IFT22: variants seen among roughly 807,000 people sequenced by gnomAD.
IFT22 encodes the protein intraflagellar transport 22, also known as intraflagellar transport protein 22 homolog.
A neutral mutation model predicts 21.0 loss-of-function variants in IFT22; 13 were observed. That is an observed-to-expected ratio of 0.62 (90% CI 0.40 to 0.98). The LOEUF is 0.98. Ranked by LOEUF, IFT22 falls within the 50% of genes least tolerant of loss-of-function variation. The pLI is 0.00. For missense variants in IFT22, 227 were observed against 228.9 expected, an observed-to-expected ratio of 0.99 and a Z score of 0.06; for synonymous variants, 67 against 82.4, an observed-to-expected ratio of 0.81 and a Z score of 1.01.
At chr7:101,316,270 G>C in intron 4 of IFT22, 70 bp downstream of exon 4, 2 of 1,454,580 alleles carry the variant, frequency 1.4e-6, no homozygotes, top group Non-Finnish European at 1.9e-6. Flanking sequence ...TGGTTTCTAG[G>C]ACATGGGACA....
chr7:101,320,557 CCTT>C lies in IFT22; in HGVS notation c.39+1111_39+1113del, dbSNP rs1486252822. Among the ~76,000 whole-genome samples the C allele has an allele frequency of 1.2e-3, 161 of 130,128 alleles. 3 individuals are homozygous for C. Among genetic ancestry groups the C allele is most frequent in the South Asian group, 0.01 (44 of 4,212 alleles). The allele number at this position is 130,128 out of a possible 152,430, so 85.4% of individuals were successfully genotyped here. On this transcript the variant is annotated intron_variant, in intron 1 of 4. Transcript: ENST00000315322. Reference sequence around the variant, plus strand: ...TACAGGCGTGAGCCACCGCGCCCGGCCTTTTTTTTTTTTTTTTTTTTTTAAACG... The same window carrying C: ...TACAGGCGTGAGCCACCGCGCCCGGCTTTTTTTTTTTTTTTTTTTTAAACG...
intron 2 of IFT22, 132 bp downstream of exon 2, chr7:101,318,824 C>CG (rs1387868590): frequency 2.3e-5 from 15 of 658,556 alleles, no homozygotes; most frequent in Non-Finnish European, 4.1e-5. Flanking sequence ...TTAGTTGAGA[C>CG]GGGGTCTCCC....
intron 1 of IFT22, chr7:101,321,334 C>CCAGA (rs374730284): frequency 1.9e-4 from 62 of 330,138 alleles, no homozygotes; most frequent in African/African-American, 1.3e-3. Flanking sequence ...AAACAAAAGT[C>CCAGA]CAGACCCACA....
chr7:101,320,210 G>A (rs1215822151), intron 1 of IFT22, among the ~76,000 whole-genome samples: 1 of 151,624 alleles, frequency 6.6e-6, no homozygotes, highest in Non-Finnish European at 1.5e-5. Flanking sequence ...ACCTGCATTG[G>A]CCTCCCAAAG....
At chr7:101,321,068 G>A (rs1476261118) in intron 1 of IFT22, among the ~76,000 whole-genome samples, 2 of 152,030 alleles carry the variant, frequency 1.3e-5, no homozygotes, top group Non-Finnish European at 2.9e-5. Context: ...GCTTGAACCC[G>A]GGAGGCGGAG....
rs1239147054 is a variant in IFT22 at position 101,321,747 on chromosome 7, G to A, written c.-38C>T. On this transcript the variant is annotated 5_prime_UTR_variant, in exon 1 of 5. Transcript: ENST00000315322. ...CGGCTTAGCCGGCCGGAGCCCACGG[G>A]AGGCGGCGCGTCAGGACGGAGCTCT... 1.9e-6 allele frequency: 3 copies of A among 1,569,466 alleles called. No homozygotes were observed. Among genetic ancestry groups the A allele is most frequent in the East Asian group, 2.3e-5 (1 of 42,866 alleles).
chr7:101,319,467 C>T (rs1189307426), intron 1 of IFT22, among the ~76,000 whole-genome samples: 1 of 151,990 alleles, frequency 6.6e-6, no homozygotes. Context: ...AGGTGATCCA[C>T]ACACCTGGGC....
At position 101,315,095 on chromosome 7, in the gene IFT22, G is replaced by C. The variant is rs754985025; in HGVS notation, c.*39C>G. ...TCAGATCTGCACCGAGAAACATGCT[G>C]ATTTCACTGGGGATGTGGCAGTCCC... is the stretch of plus-strand genomic sequence containing the variant. On this transcript the variant is annotated 3_prime_UTR_variant, in exon 5 of 5. Transcript: ENST00000315322. 8.1e-6 allele frequency: 13 copies of C among 1,598,810 alleles called. No homozygotes were observed. The South Asian group carries it at 1.4e-4, about 18-fold the overall frequency.
chr7:101,318,224 AAAG>A lies in IFT22; in HGVS notation c.117-14_117-12del. The stretch of plus-strand genomic sequence containing the variant: ...TCAAATTCTAGGATCCTAAAAGGAA[AAAG>A]AAGAGCAGTAGGCTGGGTGCAGTGG... On this transcript the variant is annotated splice_polypyrimidine_tract_variant and intron_variant, in intron 2 of 4. Transcript: ENST00000315322. 8.1e-6 allele frequency: 13 copies of A among 1,609,558 alleles called. No individual in the cohort carries two copies. The highest frequency in any genetic ancestry group is 1.1e-5 in the Non-Finnish European group (13 of 1,176,376).
In IFT22 at chr7:101,314,895, T is replaced by C. The variant is rs970694505; in HGVS notation, c.*239A>G. ...TAAATCCCTCCATTTTACAGGTCTT[T>C]GGGAAGTTCTGGGGCCAGGAAATCC... On this transcript the variant is annotated 3_prime_UTR_variant, in exon 5 of 5. Coordinates refer to ENST00000315322, the MANE Select transcript of IFT22 (RefSeq NM_022777.4). The C allele has an allele frequency of 1.4e-5, 7 of 490,894 alleles. No individual in the cohort carries two copies. The highest frequency in any genetic ancestry group is 1.2e-4 in the African/African-American group (6 of 51,608). The allele number at this position is 490,894 out of a possible 1,614,324, so 30.4% of individuals were successfully genotyped here.
intron 2 of IFT22, 23 bp from the exon 3 acceptor site, chr7:101,318,236 T>C (rs1292223718): frequency 6.3e-7 from 1 of 1,594,158 alleles, no homozygotes; most frequent in Non-Finnish European, 8.6e-7. Flanking sequence ...AGAAGAGCAG[T>C]AGGCTGGGTG....
intron 2 of IFT22, 57 bp downstream of exon 2, chr7:101,318,899 T>G: frequency 1.4e-6 from 2 of 1,392,988 alleles, no homozygotes; most frequent in East Asian, 2.3e-5. Flanking sequence ...ATTAGAGGAA[T>G]GAGCCTCCCT....
rs1453736439 is a variant in IFT22, at chr7:101,316,491, G to A, written c.258C>T (p.Ile86=). 3 of 1,614,138 alleles carry A rather than the reference G, an allele frequency of 1.9e-6. No individual in the cohort carries two copies. The highest frequency in any genetic ancestry group is 1.3e-5 in the African/African-American group (1 of 75,020). Residue 86 remains isoleucine, a synonymous_variant, in exon 4 of 5, where the codon ATC becomes ATT. Transcript: ENST00000315322. The part of the protein sequence containing the change: ...ALMKDAHGVV[I]VFNADIPSHR... ...GGCTTGGGATGTCAGCATTGAAGAC[G>A]ATCACCACTCCATGAGCATCCTTCA...
At chr7:101,317,005 C>G (rs531014609) in intron 3 of IFT22, among the ~76,000 whole-genome samples, 3 of 151,916 alleles carry the variant, frequency 2.0e-5, no homozygotes, top group East Asian at 3.9e-4. Flanking sequence ...GTCTCCCAGG[C>G]TGAAGTGCAG....
intron 3 of IFT22, among the ~76,000 whole-genome samples, chr7:101,317,767 A>AG (rs1790204538): frequency 6.6e-6 from 1 of 151,882 alleles, no homozygotes; most frequent in Non-Finnish European, 1.5e-5. Context: ...CCCAGGCTGG[A>AG]GTACAATGGT....
In IFT22 at chr7:101,312,948, C is replaced by A. The variant is rs1790019745; in HGVS notation, c.*2186G>T. Among the ~76,000 whole-genome samples, 1 of 152,074 alleles carries A rather than the reference C, an allele frequency of 6.6e-6. No homozygotes were observed. Among genetic ancestry groups the A allele is most frequent in the South Asian group, 2.1e-4 (1 of 4,828 alleles). On this transcript the variant is annotated 3_prime_UTR_variant, in exon 5 of 5. Coordinates refer to ENST00000315322, the MANE Select transcript of IFT22 (RefSeq NM_022777.4). ...TCCCAGGTTCAAGCGATTCTCCTGC[C>A]TCAGCTTCCCAGGTAGCTGGGATTA...
At chr7:101,315,997 CTTTTTTT>C (rs59453200) in intron 4 of IFT22, 24 of 141,916 alleles carry the variant, frequency 1.7e-4, no homozygotes, top group African/African-American at 7.2e-4. Context: ...GGTCTTTTCT[CTTTTTTT>C]TTTTTTTTTT....
In IFT22 at chr7:101,314,832, A is replaced by G. The variant is rs1790093012; in HGVS notation, c.*302T>C. The G allele has an allele frequency of 3.1e-6, 1 of 318,630 alleles. No homozygotes were observed. The highest frequency in any genetic ancestry group is 2.1e-5 in the African/African-American group (1 of 46,928). 19.7% of individuals were successfully genotyped at this position (318,630 alleles called of 1,614,324 possible). A position where few individuals can be genotyped will look rare whatever the true frequency, so the allele number is the denominator to read the frequency against. ...TGTATCATTGGGCTGCGACGGTTAC[A>G]AGTCCACAAACTGTTTAACTGGACA... On this transcript the variant is annotated 3_prime_UTR_variant, in exon 5 of 5. Coordinates refer to ENST00000315322, the MANE Select transcript of IFT22 (RefSeq NM_022777.4).
chr7:101,321,623 C>T, intron 1 of IFT22, 48 bp downstream of exon 1: 3 of 1,561,320 alleles, frequency 1.9e-6, no homozygotes, highest in Non-Finnish European at 2.6e-6. Context: ...TCGCCCAGGC[C>T]CCGAGGCCTG....
Sources: gnomAD v4.1 joint callset for allele counts (sites outside exome capture counted in the v4.1 genomes callset) on GRCh38, gnomAD v4.1.1 for gene constraint, MANE v1.5 for transcripts, NCBI Gene and HGNC (gene_info 2026-07-23, HGNC 2026-07-21) for gene names.